Variants in PIP4K2B observed in about 807,000 individuals in gnomAD.
PIP4K2B encodes phosphatidylinositol 5-phosphate 4-kinase type-2 beta.
In PIP4K2B, 3 loss-of-function variants were observed where a neutral mutation model predicts 42.0. That is an observed-to-expected ratio of 0.07 (90% CI 0.03 to 0.18). PIP4K2B has a LOEUF of 0.18. Ranked by LOEUF, PIP4K2B falls within the 10% of genes least tolerant of loss-of-function variation. PIP4K2B has a pLI of 1.00. For synonymous variants in PIP4K2B, 204 were observed against 210.1 expected (o/e 0.97, Z 0.25); for missense variants, 332 against 562.3 (o/e 0.59, Z 4.14).
At chr17:38,798,689 G>A (rs567145008) in intron 1 of PIP4K2B, among the ~76,000 whole-genome samples, 1 of 152,240 alleles carries the variant, frequency 6.6e-6, no homozygotes, top group Admixed American at 6.5e-5. Context: ...TCTGGTTCAA[G>A]GAAGCCTGTG....
Position 38,799,385 on chromosome 17 carries a change from C to T in PIP4K2B, c.40G>A (p.Ala14Thr). 6.2e-7 allele frequency: 1 copy of T among 1,604,854 alleles called. No individual in the cohort carries two copies. Among genetic ancestry groups the T allele is most frequent in the South Asian group, 1.1e-5 (1 of 90,570 alleles). ...TTGGTCTTGCTGGCGCTGAGCGGCG[C>T]CACCGCCACCGCCGTGGTGCTGGTG... is the stretch of plus-strand genomic sequence containing the variant. ...NCTSTTAVAV[A>T]PLSASKTKTK... Residue 14 changes from alanine (A) to threonine (T), a missense_variant, in exon 1 of 10, where the codon GCG becomes ACG. Physicochemically the swap from Ala to Thr is moderately conservative, Grantham distance 58. Coordinates refer to ENST00000619039, the MANE Select transcript of PIP4K2B (RefSeq NM_003559.5). The surrounding 1 kb of genome is among the most constrained non-coding windows in gnomAD (Gnocchi z 4.4).
At chr17:38,797,712 T>C (rs1265607387) in intron 1 of PIP4K2B, among the ~76,000 whole-genome samples, 4 of 152,028 alleles carry the variant, frequency 2.6e-5, no homozygotes, top group Non-Finnish European at 4.4e-5. Flanking sequence ...AGAGGCCTGG[T>C]AGAGTGAGAA....
At chr17:38,791,854 C>T (rs1230135085) in intron 1 of PIP4K2B, among the ~76,000 whole-genome samples, 2 of 150,814 alleles carry the variant, frequency 1.3e-5, no homozygotes, top group African/African-American at 2.4e-5. Flanking sequence ...CTTTGGGAGG[C>T]CGAGGCGGGC....
chr17:38,798,387 A>G (rs921718734), intron 1 of PIP4K2B, among the ~76,000 whole-genome samples: 7 of 152,230 alleles, frequency 4.6e-5, no homozygotes, highest in Admixed American at 4.6e-4. Flanking sequence ...CTTCCAGCTT[A>G]AACTGTCAGG....
Position 38,786,840 on chromosome 17 carries a change from G to T in PIP4K2B, c.240C>A (p.Asp80Glu), listed in dbSNP as rs1910042414. 7.5e-6 allele frequency: 12 copies of T among 1,607,730 alleles called. No homozygotes were observed. Among genetic ancestry groups the T allele is most frequent in the South Asian group, 3.3e-5 (3 of 90,960 alleles). The part of the protein sequence containing the change: ...DFKAYSKIKV[D>E]NHLFNKENLP... ...CAACTTACTTATTGAAGAGATGATT[G>T]TCCACCTTGATCTTGCTGTAGGCTT... The change falls in exon 2 of 10, where the codon GAC becomes GAA. Residue 80 changes from aspartate to glutamate, a missense_variant. Coordinates refer to ENST00000619039, the MANE Select transcript of PIP4K2B (RefSeq NM_003559.5).
intron 1 of PIP4K2B, among the ~76,000 whole-genome samples, chr17:38,798,247 G>T (rs1185314084): frequency 2.0e-5 from 3 of 152,178 alleles, no homozygotes; most frequent in Non-Finnish European, 4.4e-5. Flanking sequence ...AGTGAAGTTG[G>T]TGTTTCGGGT....
chr17:38,766,130 A>G lies in PIP4K2B; in HGVS notation c.*3561T>C, dbSNP rs1358907750. 6.6e-6 allele frequency: 1 copy of G among 152,282 alleles called. No homozygotes were observed. Among genetic ancestry groups the G allele is most frequent in the African/African-American group, 2.4e-5 (1 of 41,450 alleles). The allele number at this position is 152,282 out of a possible 1,614,324, so 9.4% of individuals were successfully genotyped here. A position where few individuals can be genotyped will look rare whatever the true frequency, so the allele number is the denominator to read the frequency against. ...TCCTTTTCCCCATGGGGCACTCTTC[A>G]TAAGTGGCACATTCTAGAGGAGGGA... On this transcript the variant is annotated 3_prime_UTR_variant, in exon 10 of 10. Transcript: ENST00000619039.
At chr17:38,788,437 T>C (rs1007272627) in intron 1 of PIP4K2B, among the ~76,000 whole-genome samples, 1 of 151,990 alleles carries the variant, frequency 6.6e-6, no homozygotes, top group Admixed American at 6.5e-5. Flanking sequence ...CCTGAGCTCG[T>C]GATCCACCCA....
chr17:38,786,378 C>T (rs11653487), intron 2 of PIP4K2B, among the ~76,000 whole-genome samples: 63,880 of 152,124 alleles, frequency 0.42, 15,558 homozygotes, highest in Middle Eastern at 0.57. Flanking sequence ...ATAGTGCCCT[C>T]GAGCCCCATG....
intron 1 of PIP4K2B, among the ~76,000 whole-genome samples, chr17:38,789,370 T>C (rs892393074): frequency 3.9e-5 from 6 of 152,318 alleles, no homozygotes; most frequent in Admixed American, 6.5e-5. Context: ...TCCTCTCCCA[T>C]CACAGCAGAG....
At chr17:38,793,118 AG>A (rs1910428419) in intron 1 of PIP4K2B, among the ~76,000 whole-genome samples, 1 of 151,776 alleles carries the variant, frequency 6.6e-6, no homozygotes, top group Non-Finnish European at 1.5e-5. Context: ...TAGTAGAGAC[AG>A]GGTTTCGCCA....
intron 1 of PIP4K2B, among the ~76,000 whole-genome samples, chr17:38,795,099 CAAA>C (rs61707682): frequency 0.045 from 1,873 of 41,434 alleles, 8 homozygotes; most frequent in African/African-American, 0.11. Context: ...AACTCCATCT[CAAA>C]AAAAAAAAAA....
intron 1 of PIP4K2B, among the ~76,000 whole-genome samples, chr17:38,793,590 A>G (rs138511667): frequency 6.6e-6 from 1 of 152,126 alleles, no homozygotes; most frequent in African/African-American, 2.4e-5. Flanking sequence ...AAGACAGGTA[A>G]AGGAGGTCAG....
intron 1 of PIP4K2B, among the ~76,000 whole-genome samples, chr17:38,791,710 G>C (rs1485798009): frequency 1.3e-5 from 2 of 148,730 alleles, no homozygotes; most frequent in African/African-American, 4.9e-5. Context: ...CGCCCAGCCA[G>C]ACTGCCAAAT....
chr17:38,775,305 C>T (rs1006073934), intron 7 of PIP4K2B, among the ~76,000 whole-genome samples: 4 of 152,028 alleles, frequency 2.6e-5, no homozygotes, highest in Non-Finnish European at 4.4e-5. Context: ...CAGGCTGATG[C>T]ACAGTGGCAT....
At chr17:38,778,524 C>T in intron 5 of PIP4K2B, 152 bp from the exon 6 acceptor site, 1 of 756,848 alleles carries the variant, frequency 1.3e-6, no homozygotes, top group Admixed American at 1.9e-5. Flanking sequence ...TGTGTCAAGC[C>T]CACTTATAGA....
In PIP4K2B at chr17:38,768,035, C is replaced by T. The variant is rs920779084; in HGVS notation, c.*1656G>A. The T allele has an allele frequency of 3.9e-5, 6 of 152,242 alleles. No homozygotes were observed. The highest frequency in any genetic ancestry group is 1.4e-4 in the African/African-American group (6 of 41,464). The allele number at this position is 152,242 out of a possible 1,614,324, so 9.4% of individuals were successfully genotyped here. A position where few individuals can be genotyped will look rare whatever the true frequency, so the allele number is the denominator to read the frequency against. ...TGACCTATATGCTGTGAGTCAGGCA[C>T]AGAGACAGTGCTGGTTCCTGCTTCG... is the stretch of plus-strand genomic sequence containing the variant. On this transcript the variant is annotated 3_prime_UTR_variant, in exon 10 of 10. Transcript: ENST00000619039.
chr17:38,784,504 G>A (rs1252518574), intron 2 of PIP4K2B, among the ~76,000 whole-genome samples, 165 bp from the exon 3 acceptor site: 1 of 152,070 alleles, frequency 6.6e-6, no homozygotes, highest in Non-Finnish European at 1.5e-5. Context: ...CCAAAGTGCT[G>A]GGATTACGGG....
rs1337886292 is a variant in PIP4K2B, at chr17:38,780,474, T to C, written c.485A>G (p.Asn162Ser). The C allele has an allele frequency of 1.2e-6, 2 of 1,612,870 alleles. No homozygotes were observed. The highest frequency in any genetic ancestry group is 1.3e-5 in the African/African-American group (1 of 75,028). The change falls in exon 4 of 10, where the codon AAC becomes AGC. Residue 162 changes from asparagine (N) to serine (S), a missense_variant. Asn to Ser is a conservative substitution (Grantham distance 46). Around this residue, in one of 6 missense-constraint regions of PIP4K2B, gnomAD observed 186 missense variants for 288.4 expected, o/e 0.64. Transcript: ENST00000619039. ...VSSEDVAEMH[N>S]ILKKYHQFIV... Reference sequence around the variant, plus strand: ...TACCTGGTGGTATTTCTTTAAGATGTTGTGCATCTCCGCCACGTCCTCGCT... The same window carrying C: ...TACCTGGTGGTATTTCTTTAAGATGCTGTGCATCTCCGCCACGTCCTCGCT...
Sources: allele counts gnomAD v4.1 joint callset (sites outside exome capture counted in the v4.1 genomes callset), GRCh38; gene constraint gnomAD v4.1.1; regional missense constraint gnomAD v4.1.1; non-coding constraint Gnocchi (gnomAD v3.1); transcripts MANE v1.5; gene names NCBI Gene and HGNC (gene_info 2026-07-23, HGNC 2026-07-21).